Variants in CADPS observed in about 807,000 individuals in gnomAD.
The protein encoded by CADPS is calcium-dependent secretion activator 1.
A neutral mutation model predicts 167.3 loss-of-function variants in CADPS; 57 were observed. That is an observed-to-expected ratio of 0.34 (90% CI 0.28 to 0.42). The LOEUF is 0.42. Ranked by LOEUF, CADPS falls within the 20% of genes least tolerant of loss-of-function variation. The probability of loss-of-function intolerance (pLI) is 1.00; values close to 1 mark genes in which losing one functional copy is unlikely to be tolerated. For synonymous variants in CADPS, 676 were observed against 635.3 expected (o/e 1.06, Z -0.96); for missense variants, 1,414 against 1,738.1 (o/e 0.81, Z 3.32).
intron 3 of CADPS, among the ~76,000 whole-genome samples, chr3:62,706,424 G>A (rs1367995793): frequency 6.6e-6 from 1 of 152,108 alleles, no homozygotes; most frequent in East Asian, 1.9e-4. Flanking sequence ...GAAGGTGGAG[G>A]CCTCCCTATC....
intron 6 of CADPS, among the ~76,000 whole-genome samples, chr3:62,599,179 T>C (rs947396305): frequency 1.3e-5 from 2 of 152,012 alleles, no homozygotes; most frequent in African/African-American, 2.4e-5. Context: ...CAAGCAGAAG[T>C]TGGAAAGGTT....
At chr3:62,721,820 A>AT (rs34622289) in intron 3 of CADPS, among the ~76,000 whole-genome samples, 33,177 of 152,110 alleles carry the variant, frequency 0.22, 3,971 homozygotes, top group African/African-American at 0.3. Context: ...TTAAATCCGC[A>AT]TTTTGCAAAT....
intron 11 of CADPS, among the ~76,000 whole-genome samples, chr3:62,547,305 C>T (rs1378268476): frequency 6.6e-6 from 1 of 152,186 alleles, no homozygotes. Context: ...CTGCAGAACT[C>T]AATGGGTGCC....
chr3:62,699,463 C>A (rs182750750), intron 3 of CADPS, among the ~76,000 whole-genome samples: 1 of 152,136 alleles, frequency 6.6e-6, no homozygotes, highest in Non-Finnish European at 1.5e-5. Context: ...GTGACCTAGA[C>A]GTGGTCATTA....
chr3:62,650,739 T>C, intron 5 of CADPS, 108 bp downstream of exon 5: 1 of 736,452 alleles, frequency 1.4e-6, no homozygotes, highest in Non-Finnish European at 2.3e-6. Context: ...GTTATTTTAA[T>C]AACTGCTCCT....
intron 6 of CADPS, among the ~76,000 whole-genome samples, chr3:62,616,064 C>T (rs905807395): frequency 1.3e-5 from 2 of 152,108 alleles, no homozygotes; most frequent in African/African-American, 4.8e-5. Context: ...CCTTTTCTAT[C>T]AGTAGCTTAG....
Position 62,680,762 on chromosome 3 carries a change from G to C in CADPS, c.889-18368C>G, listed in dbSNP as rs116727029. On this transcript the variant is annotated intron_variant, in intron 3 of 29. Coordinates refer to ENST00000383710, the MANE Select transcript of CADPS (RefSeq NM_003716.4). ...CAGTGTAGCTCTTTTAAAAATGAAA[G>C]TACCACCCAGATGCTCATAATACAA... Among the ~76,000 whole-genome samples the C allele has an allele frequency of 6.2e-3, 938 of 152,072 alleles. 6 individuals carry two copies. Among genetic ancestry groups the C allele is most frequent in the Non-Finnish European group, 9.2e-3 (626 of 67,978 alleles).
intron 26 of CADPS, among the ~76,000 whole-genome samples, chr3:62,459,080 G>T (rs1254711365): frequency 6.6e-6 from 1 of 152,192 alleles, no homozygotes; most frequent in East Asian, 1.9e-4. Context: ...GTCAAATTCT[G>T]AAACACTAGG....
intron 3 of CADPS, among the ~76,000 whole-genome samples, chr3:62,671,216 C>T (rs4688305): frequency 0.72 from 109,751 of 151,930 alleles, 39,769 homozygotes; most frequent in East Asian, 0.88. Context: ...AGGTTAAGGC[C>T]ATAATGTATT....
At chr3:62,597,285 T>A (rs2059069117) in intron 6 of CADPS, among the ~76,000 whole-genome samples, 1 of 152,190 alleles carries the variant, frequency 6.6e-6, no homozygotes, top group African/African-American at 2.4e-5. Context: ...ACTTTGAGGT[T>A]ACTGTGAGCT....
intron 7 of CADPS, among the ~76,000 whole-genome samples, chr3:62,588,844 G>T (rs1286740963): frequency 6.6e-6 from 1 of 152,134 alleles, no homozygotes; most frequent in Non-Finnish European, 1.5e-5. Context: ...GCACCATGTA[G>T]AGAAGTGTGT....
Position 62,859,053 on chromosome 3 carries a change from A to G in CADPS, c.441+15536T>C, listed in dbSNP as rs868074555. ...ATAGTAATTAGAGAAAGCTTTATAT[A>G]AAAGCATTTGGATGAGTACACAAGA... is the stretch of plus-strand genomic sequence containing the variant. On this transcript the variant is annotated intron_variant, in intron 1 of 29. Coordinates refer to ENST00000383710, the MANE Select transcript of CADPS (RefSeq NM_003716.4). Among the ~76,000 whole-genome samples the G allele has an allele frequency of 4.6e-5, 7 of 152,042 alleles. No individual in the cohort carries two copies. The Middle Eastern group carries it at 0.021, about 453-fold the overall frequency.
Position 62,400,317 on chromosome 3 carries a change from T to A in CADPS, c.3883-732A>T, listed in dbSNP as rs979367233. On this transcript the variant is annotated intron_variant, in intron 29 of 29. Transcript: ENST00000383710. Reference sequence around the variant, plus strand: ...GTTCTTTCTTTGTTCCTTCAGGCAGTTTCTCTCAGATTTCCTTAGGTATCT... The same window carrying A: ...GTTCTTTCTTTGTTCCTTCAGGCAGATTCTCTCAGATTTCCTTAGGTATCT... Among the ~76,000 whole-genome samples the A allele has an allele frequency of 3.3e-5, 5 of 152,348 alleles. No homozygotes were observed. The South Asian group carries it at 1.0e-3, about 32-fold the overall frequency.
At chr3:62,715,353 C>CCTATCTAT (rs10654479) in intron 3 of CADPS, among the ~76,000 whole-genome samples, 12,900 of 140,378 alleles carry the variant, frequency 0.092, 686 homozygotes, top group South Asian at 0.16. Context: ...GTTGGCCAGC[C>CCTATCTAT]CTATCTATCT....
At chr3:62,611,624 T>A (rs2061511394) in intron 6 of CADPS, among the ~76,000 whole-genome samples, 1 of 152,222 alleles carries the variant, frequency 6.6e-6, no homozygotes, top group Non-Finnish European at 1.5e-5. Context: ...TCTGACCTTA[T>A]CTCCTACCCC....
Position 62,645,719 on chromosome 3 carries a change from T to TA in CADPS, c.1325+2dup, listed in dbSNP as rs758281118. 6.2e-7 allele frequency: 1 copy of TA among 1,613,882 alleles called. No homozygotes were observed. The highest frequency in any genetic ancestry group is 1.7e-4 in the Middle Eastern group (1 of 6,060). ...AGATGGACCCTGGAGAAACATAACT[T>TA]ACGTTGGTTTAGAAGCCTCGGCCTG... is the stretch of plus-strand genomic sequence containing the variant. On this transcript the variant is annotated splice_region_variant and intron_variant, in intron 6 of 29. Transcript: ENST00000383710.
chr3:62,738,397 C>T (rs578079566), intron 3 of CADPS, among the ~76,000 whole-genome samples: 2 of 151,264 alleles, frequency 1.3e-5, no homozygotes, highest in African/African-American at 2.4e-5. Flanking sequence ...CTTTTGCTAA[C>T]AATCTCTGAA....
intron 3 of CADPS, among the ~76,000 whole-genome samples, chr3:62,712,597 C>A (rs2083611520): frequency 6.6e-6 from 1 of 152,114 alleles, no homozygotes; most frequent in South Asian, 2.1e-4. Flanking sequence ...GTCGTTTCTC[C>A]AGCTTGCATC....
chr3:62,767,372 C>T (rs909388443), intron 1 of CADPS, among the ~76,000 whole-genome samples: 5 of 152,230 alleles, frequency 3.3e-5, no homozygotes, highest in Admixed American at 2.0e-4. Context: ...TTTATCTCGT[C>T]CTTAGTTTTC....
Sources: allele counts gnomAD v4.1 joint callset (sites outside exome capture counted in the v4.1 genomes callset), GRCh38; gene constraint gnomAD v4.1.1; transcripts MANE v1.5; gene names NCBI Gene and HGNC (gene_info 2026-07-23, HGNC 2026-07-21).